The following MOB4 variants were observed in gnomAD, a reference collection of about 807,000 sequenced individuals.
The protein encoded by MOB4 is MOB-like protein phocein.
Under a neutral mutation model 32.2 loss-of-function variants are expected in MOB4, and 4 were observed. The ratio of observed to expected loss-of-function variants is 0.12; its 90% CI spans 0.06 to 0.28. MOB4 has a LOEUF of 0.28. MOB4 is among the 10% of genes least tolerant of loss of function. The probability of loss-of-function intolerance (pLI) is 1.00; values close to 1 mark genes in which losing one functional copy is unlikely to be tolerated. For synonymous variants in MOB4, 88 were observed against 88.1 expected (o/e 1.00, Z 0.01); for missense variants, 158 against 271.2 (o/e 0.58, Z 2.93).
At chr2:197,516,573 C>T (rs1559311650) in intron 1 of MOB4, 1 of 487,404 alleles carries the variant, frequency 2.1e-6, no homozygotes, top group Non-Finnish European at 4.1e-6. Context: ...TACCTCGACC[C>T]GGCGTCCAGT....
intron 3 of MOB4, among the ~76,000 whole-genome samples, chr2:197,539,221 G>A (rs1338716531): frequency 6.6e-6 from 1 of 151,350 alleles, no homozygotes; most frequent in Admixed American, 6.6e-5. Context: ...CACGTTCAGT[G>A]TTTTGACAGC....
chr2:197,525,359 A>AG (rs1385752983), intron 2 of MOB4, among the ~76,000 whole-genome samples: 1 of 152,036 alleles, frequency 6.6e-6, no homozygotes, highest in East Asian at 1.9e-4. Context: ...AAAAAAAAAA[A>AG]AAGTAGACAG....
At chr2:197,515,912 G>A (rs1268476458), upstream of MOB4, 3 of 615,170 alleles carry the variant, frequency 4.9e-6, no homozygotes, top group East Asian at 3.4e-5. Flanking sequence ...TTCCTCGTTC[G>A]CCCTCTCCCT....
At chr2:197,534,080 G>T in intron 2 of MOB4, 1 of 312,858 alleles carries the variant, frequency 3.2e-6, no homozygotes, top group Non-Finnish European at 6.3e-6. Flanking sequence ...ATGCTGTATT[G>T]GAACAATGGT....
intron 5 of MOB4, among the ~76,000 whole-genome samples, chr2:197,540,978 T>C (rs773260858): frequency 3.3e-5 from 5 of 151,936 alleles, no homozygotes; most frequent in Non-Finnish European, 7.4e-5. Context: ...CTCGGTTCGC[T>C]GCAACCTCTG....
chr2:197,531,591 A>G (rs192853131), intron 2 of MOB4, among the ~76,000 whole-genome samples: 313 of 151,864 alleles, frequency 2.1e-3, no homozygotes, highest in Non-Finnish European at 3.7e-3. Context: ...TTTGAGACGG[A>G]GTCTTGCTCT....
In MOB4 at chr2:197,540,047, T is replaced by C; in HGVS notation, c.225-64T>C. 2.0e-6 allele frequency: 3 copies of C among 1,526,856 alleles called. No homozygotes were observed. The East Asian group carries it at 7.0e-5, about 35-fold the overall frequency. The allele number at this position is 1,526,856 out of a possible 1,614,324, so 94.6% of individuals were successfully genotyped here. A position where few individuals can be genotyped will look rare whatever the true frequency, so the allele number is the denominator to read the frequency against. On this transcript the variant is annotated intron_variant, in intron 3 of 7. Transcript: ENST00000323303. The stretch of plus-strand genomic sequence containing the variant: ...ACTGATGGGATTCTCTTTTTGCAGC[T>C]AATATTCTAAAAATTGCTGTGAAGA...
At chr2:197,524,013 G>T (rs2086566047) in intron 2 of MOB4, among the ~76,000 whole-genome samples, 1 of 152,166 alleles carries the variant, frequency 6.6e-6, no homozygotes, top group South Asian at 2.1e-4. Context: ...ACTTTGGGAG[G>T]CCAATCACTT....
intron 6 of MOB4, 104 bp downstream of exon 6, chr2:197,548,519 A>G: frequency 1.4e-6 from 1 of 717,224 alleles, no homozygotes; most frequent in East Asian, 3.6e-5. Context: ...GCTATACCTA[A>G]TGCTAAATGA....
chr2:197,520,344 T>A (rs538869678), intron 1 of MOB4, among the ~76,000 whole-genome samples: 2 of 152,266 alleles, frequency 1.3e-5, no homozygotes, highest in Admixed American at 6.5e-5. Flanking sequence ...TTTCACCGTG[T>A]TAGCCAGGAT....
chr2:197,529,930 G>A (rs1303936748), intron 2 of MOB4, among the ~76,000 whole-genome samples: 2 of 152,070 alleles, frequency 1.3e-5, no homozygotes, highest in African/African-American at 4.8e-5. Context: ...GGGATTACAG[G>A]CGTGAGCCAC....
At chr2:197,517,869 G>A (rs2086442912) in intron 1 of MOB4, among the ~76,000 whole-genome samples, 1 of 152,170 alleles carries the variant, frequency 6.6e-6, no homozygotes, top group Non-Finnish European at 1.5e-5. Flanking sequence ...GCTGGGTGCG[G>A]TGGCTCACGC....
intron 6 of MOB4, among the ~76,000 whole-genome samples, chr2:197,548,882 T>C (rs1403913492): frequency 1.3e-5 from 2 of 152,228 alleles, no homozygotes; most frequent in East Asian, 3.9e-4. Flanking sequence ...ACTTGCTCAC[T>C]TGAATCTCTA....
At chr2:197,535,746 A>G in intron 3 of MOB4, 116 bp downstream of exon 3, 3 of 1,190,438 alleles carry the variant, frequency 2.5e-6, no homozygotes, top group South Asian at 1.5e-5. Flanking sequence ...GCCAAATTTT[A>G]AAGCTTTGGC....
At chr2:197,539,650 T>C (rs1217488663) in intron 3 of MOB4, among the ~76,000 whole-genome samples, 1 of 152,144 alleles carries the variant, frequency 6.6e-6, no homozygotes, top group East Asian at 1.9e-4. Flanking sequence ...TGTACCAACA[T>C]TTTATTACCC....
Position 197,525,926 on chromosome 2 carries a change from C to G in MOB4, c.123+2240C>G, listed in dbSNP as rs149352361. On this transcript the variant is annotated intron_variant, in intron 2 of 7. Coordinates refer to ENST00000323303, the MANE Select transcript of MOB4 (RefSeq NM_015387.5). Reference sequence around the variant, plus strand: ...AAGTGTCCTGTTTGTTGAATTTGTTCATTTATTCTCACAGGTTTTTTGGAT... The same window carrying G: ...AAGTGTCCTGTTTGTTGAATTTGTTGATTTATTCTCACAGGTTTTTTGGAT... 5.9e-3 allele frequency among the ~76,000 whole-genome samples: 899 copies of G among 152,132 alleles called. 10 individuals are homozygous for G. Among genetic ancestry groups the G allele is most frequent in the African/African-American group, 0.021 (857 of 41,488 alleles).
At chr2:197,531,209 G>A (rs958559183) in intron 2 of MOB4, among the ~76,000 whole-genome samples, 3 of 151,682 alleles carry the variant, frequency 2.0e-5, no homozygotes, top group African/African-American at 4.8e-5. Context: ...CACTATGCCC[G>A]GCTATTTTGT....
At chr2:197,523,591 G>T in intron 1 of MOB4, 33 bp from the exon 2 acceptor site, 3 of 1,592,414 alleles carry the variant, frequency 1.9e-6, no homozygotes. Context: ...ATAGTATTTT[G>T]TATGTGCTTT....
chr2:197,544,652 C>G (rs1398113431), intron 5 of MOB4, among the ~76,000 whole-genome samples: 2 of 151,364 alleles, frequency 1.3e-5, no homozygotes, highest in African/African-American at 4.9e-5. Flanking sequence ...ACTTGGGAGG[C>G]TGAGGCAGGA....
Sources: gnomAD v4.1 joint callset for allele counts (sites outside exome capture counted in the v4.1 genomes callset) on GRCh38, gnomAD v4.1.1 for gene constraint, MANE v1.5 for transcripts, NCBI Gene and HGNC (gene_info 2026-07-23, HGNC 2026-07-21) for gene names.